TCIRG1: variants seen among roughly 807,000 people sequenced by gnomAD.
TCIRG1 encodes T cell immune regulator 1, ATPase H+ transporting V0 subunit a3.
TCIRG1 carries 86 observed loss-of-function variants against 95.5 expected under a neutral mutation model. That is an observed-to-expected ratio of 0.90 (90% confidence interval 0.76 to 1.08). The LOEUF (loss-of-function observed/expected upper bound fraction) is 1.08. Ranked by LOEUF, TCIRG1 falls within the 50% of genes least tolerant of loss-of-function variation. The pLI is 0.00. For synonymous variants in TCIRG1, 499 were observed against 501.3 expected (o/e 1.00, Z 0.06); for missense variants, 1,069 against 1,140.2 (o/e 0.94, Z 0.90).
intron 3 of TCIRG1, 62 bp downstream of exon 3, chr11:68,041,893 G>T: frequency 6.9e-7 from 1 of 1,450,034 alleles, no homozygotes; most frequent in South Asian, 1.2e-5. Flanking sequence ...GGCCAAGTTT[G>T]ATCTGAAAGG....
At position 68,043,652 on chromosome 11, in the gene TCIRG1, T is replaced by C; in HGVS notation, c.712T>C (p.Cys238Arg). The C allele has an allele frequency of 6.2e-7, 1 of 1,607,316 alleles. No homozygotes were observed. The highest frequency in any genetic ancestry group is 1.3e-5 in the African/African-American group (1 of 74,954). The change falls in exon 7 of 20, where the codon TGC becomes CGC. Residue 238 changes from cysteine (C) to arginine (R), a missense_variant and splice_region_variant. Coordinates refer to ENST00000265686, the MANE Select transcript of TCIRG1 (RefSeq NM_006019.4). ...IGQKIRKITD[C>R]FHCHVFPFLQ... ...ACAGAAGATCCGCAAGATCACGGAC[T>C]GGTGAGTCACTGGGAACACCCGCCC...
rs1250941921 is a variant in TCIRG1 at position 68,047,513 on chromosome 11, T to C, written c.1246T>C (p.Phe416Leu). ...GGGCCACGGGCTGCTCATGTTCCTG[T>C]TCGCCCTGGCCATGGTCCTTGCGGA... ...DVGHGLLMFL[F>L]ALAMVLAENR... Residue 416 changes from phenylalanine to leucine, a missense_variant, in exon 11 of 20, where the codon TTC becomes CTC. Transcript: ENST00000265686. The C allele has an allele frequency of 4.3e-6, 7 of 1,613,902 alleles. No individual in the cohort carries two copies. The highest frequency in any genetic ancestry group is 5.9e-6 in the Non-Finnish European group (7 of 1,180,004).
chr11:68,047,452 C>G lies in TCIRG1; in HGVS notation c.1185C>G (p.Thr395=). 6.2e-7 allele frequency: 1 copy of G among 1,614,078 alleles called. No individual in the cohort carries two copies. The highest frequency in any genetic ancestry group is 8.5e-7 in the Non-Finnish European group (1 of 1,180,010). Residue 395 remains threonine (T), a synonymous_variant, in exon 11 of 20, where the codon ACC becomes ACG. Transcript: ENST00000265686. The part of the protein sequence containing the change: ...EVNPAPYTII[T]FPFLFAVMFG... ...CCACAGCTCCCTACACCATCATCAC[C>G]TTCCCCTTCCTGTTTGCTGTGATGT...
intron 3 of TCIRG1, among the ~76,000 whole-genome samples, chr11:68,042,402 G>T (rs1267659162): frequency 1.3e-5 from 2 of 152,216 alleles, no homozygotes; most frequent in Admixed American, 6.5e-5. Flanking sequence ...GGGCCGGCCT[G>T]TGGGGAGACC....
In TCIRG1 at chr11:68,043,838, T is replaced by C. The variant is rs1467602632; in HGVS notation, c.738T>C (p.Phe246=). Residue 246 remains phenylalanine (F), a synonymous_variant, in exon 8 of 20, where the codon TTT becomes TTC. Coordinates refer to ENST00000265686, the MANE Select transcript of TCIRG1 (RefSeq NM_006019.4). The part of the protein sequence containing the change: ...TDCFHCHVFP[F]LQQEEARLGA... ...GCTTCCACTGCCACGTCTTCCCGTT[T>C]CTGCAGCAGGAGGAGGCCCGCCTCG... 3.2e-6 allele frequency: 5 copies of C among 1,562,786 alleles called. No individual in the cohort carries two copies. The highest frequency in any genetic ancestry group is 1.7e-4 in the Middle Eastern group (1 of 5,998).
intron 10 of TCIRG1, 62 bp from the exon 11 acceptor site, chr11:68,047,371 T>G (rs561892236): frequency 6.5e-7 from 1 of 1,538,644 alleles, no homozygotes; most frequent in Admixed American, 1.8e-5. Context: ...CGTGGCGTCT[T>G]GGGCCGGGAG....
At chr11:68,046,982 C>G (rs1313673180) in intron 10 of TCIRG1, 2 of 450,198 alleles carry the variant, frequency 4.4e-6, no homozygotes, top group Non-Finnish European at 8.9e-6. Flanking sequence ...GGGCCAAGGT[C>G]ACACAGCTCC....
chr11:68,044,770 A>G lies in TCIRG1; in HGVS notation c.1021-188A>G, dbSNP rs1175383664. On this transcript the variant is annotated intron_variant, in intron 9 of 19. Transcript: ENST00000265686. The stretch of plus-strand genomic sequence containing the variant: ...GCTTGCCTTTCCCAAGCAATTGCCA[A>G]TCCATGTGGTGTCTTTGGGCCCCCA... The G allele has an allele frequency of 8.4e-6, 6 of 715,888 alleles. No individual in the cohort carries two copies. In the East Asian group the frequency reaches 1.1e-4, roughly 13 times the overall value. 44.3% of individuals were successfully genotyped at this position (715,888 alleles called of 1,614,324 possible).
At position 68,043,659 on chromosome 11, in the gene TCIRG1, T is replaced by G. The variant is rs760737372; in HGVS notation, c.713+6T>G. 1.4e-5 allele frequency: 23 copies of G among 1,604,830 alleles called. No individual in the cohort carries two copies. The highest frequency in any genetic ancestry group is 1.9e-5 in the Non-Finnish European group (22 of 1,175,942). On this transcript the variant is annotated splice_donor_region_variant and intron_variant, in intron 7 of 19. Transcript: ENST00000265686. ...ATCCGCAAGATCACGGACTGGTGAG[T>G]CACTGGGAACACCCGCCCCACCGCC...
Position 68,042,955 on chromosome 11 carries a change from G to A in TCIRG1, c.427G>A (p.Ala143Thr), listed in dbSNP as rs377425304. ...GCTTCTGGGTTCCTAGCTGGCAGCCGCCCACACAGATGGGGCCTCAGAGAG... is the reference window on the plus strand; with the variant it reads ...GCTTCTGGGTTCCTAGCTGGCAGCCACCCACACAGATGGGGCCTCAGAGAG... Reference protein sequence around the residue: ...RQGHEPQLAAAHTDGASERTP... With the variant: ...RQGHEPQLAATHTDGASERTP... The change falls in exon 5 of 20, where the codon GCC (alanine) becomes ACC (threonine). Residue 143 changes from alanine (A) to threonine (T), a missense_variant. Coordinates refer to ENST00000265686, the MANE Select transcript of TCIRG1 (RefSeq NM_006019.4). The A allele has an allele frequency of 4.5e-6, 7 of 1,554,234 alleles. No homozygotes were observed. Among genetic ancestry groups the A allele is most frequent in the East Asian group, 2.4e-5 (1 of 41,106 alleles).
intron 1 of TCIRG1, chr11:68,039,961 A>G (rs372626153): frequency 6.6e-6 from 1 of 152,468 alleles, no homozygotes; most frequent in East Asian, 1.9e-4. Context: ...AAAGGGAGCC[A>G]GGTCAGACAC....
In TCIRG1 at chr11:68,041,796, A is replaced by G; in HGVS notation, c.161A>G (p.Asp54Gly). 6.2e-7 allele frequency: 1 copy of G among 1,610,732 alleles called. No individual in the cohort carries two copies. Among genetic ancestry groups the G allele is most frequent in the Admixed American group, 1.7e-5 (1 of 59,658 alleles). The change falls in exon 3 of 20, where the codon GAT (aspartate) becomes GGT (glycine). Residue 54 changes from aspartate to glycine, a missense_variant. By Grantham distance (94) the Asp-to-Gly change is moderately conservative. Transcript: ENST00000265686. ...GCCTTCCAGAGACGCTTTGTGGTTG[A>G]TGTTCGGCGCTGTGAGGAGCTGGAG... is the stretch of plus-strand genomic sequence containing the variant. ...VSAFQRRFVV[D>G]VRRCEELEKT...
At chr11:68,049,881 A>C in intron 16 of TCIRG1, 81 bp from the exon 17 acceptor site, 1 of 1,557,426 alleles carries the variant, frequency 6.4e-7, no homozygotes, top group Non-Finnish European at 8.7e-7. Context: ...CAGACTCCTG[A>C]GTGGCCAGGA....
intron 9 of TCIRG1, among the ~76,000 whole-genome samples, chr11:68,044,609 C>T (rs981211123): frequency 6.6e-6 from 1 of 152,208 alleles, no homozygotes; most frequent in African/African-American, 2.4e-5. Context: ...TCCAGGCCCC[C>T]CTGTGACCTT....
chr11:68,044,366 C>G (rs1304336376), intron 9 of TCIRG1, 22 bp downstream of exon 9: 1 of 1,525,428 alleles, frequency 6.6e-7, no homozygotes, highest in Non-Finnish European at 8.8e-7. Flanking sequence ...GAGGCCTCGC[C>G]CCCTCTCCGC....
Position 68,045,173 on chromosome 11 carries a change from G to T in TCIRG1, c.1165+71G>T, listed in dbSNP as rs938592420. The T allele has an allele frequency of 1.7e-5, 27 of 1,580,592 alleles. No individual in the cohort carries two copies. In the African/African-American group the frequency reaches 3.1e-4, roughly 18 times the overall value. On this transcript the variant is annotated intron_variant, in intron 10 of 19. Coordinates refer to ENST00000265686, the MANE Select transcript of TCIRG1 (RefSeq NM_006019.4). Reference sequence around the variant, plus strand: ...CCCCACTGGGTGGGTGTGAGCCTGAGGGGGAGGTATCTCCATCCTGGGCCT... The same window carrying T: ...CCCCACTGGGTGGGTGTGAGCCTGATGGGGAGGTATCTCCATCCTGGGCCT...
intron 10 of TCIRG1, chr11:68,046,938 T>C (rs758925676): frequency 2.2e-6 from 1 of 453,104 alleles, no homozygotes; most frequent in South Asian, 1.5e-5. Context: ...ATTTTACAGA[T>C]GGGGAAATGG....
At chr11:68,048,808 C>T (rs780796911) in intron 13 of TCIRG1, 71 bp from the exon 14 acceptor site, 118 of 1,122,400 alleles carry the variant, frequency 1.1e-4, no homozygotes, top group Non-Finnish European at 1.4e-4. Context: ...GAGAGTGACT[C>T]GGGCCGGGGA....
chr11:68,041,624 C>T (rs921757628), intron 2 of TCIRG1, 129 bp from the exon 3 acceptor site: 1 of 818,894 alleles, frequency 1.2e-6, no homozygotes, highest in East Asian at 2.7e-5. Context: ...CGTCTTGTGG[C>T]TCCCAGGGCA....
Sources: gnomAD v4.1 joint callset for allele counts (sites outside exome capture counted in the v4.1 genomes callset) on GRCh38, gnomAD v4.1.1 for gene constraint, MANE v1.5 for transcripts, NCBI Gene and HGNC (gene_info 2026-07-23, HGNC 2026-07-21) for gene names.